The following CDKN2B-AS1 variants were observed in gnomAD, a reference collection of about 807,000 sequenced individuals.
CDKN2B-AS1 encodes CDKN2B and CDKN2A antisense cis and trans regulatory RNA 1.
chr9:22,080,008 G>C (rs1824641762), intron 4 of CDKN2B-AS1, among the ~76,000 whole-genome samples: 1 of 152,238 alleles, frequency 6.6e-6, no homozygotes, highest in Admixed American at 6.5e-5. Context: ...ATCAAAGGAG[G>C]CCAGACAGGA....
chr9:22,102,856 G>A (rs1825530724), intron 4 of CDKN2B-AS1, among the ~76,000 whole-genome samples: 1 of 152,142 alleles, frequency 6.6e-6, no homozygotes, highest in Admixed American at 6.6e-5. Flanking sequence ...CAGCAACTCT[G>A]CCCTGCTTTA....
intron 4 of CDKN2B-AS1, among the ~76,000 whole-genome samples, chr9:22,087,093 G>C (rs966425930): frequency 6.6e-6 from 1 of 152,206 alleles, no homozygotes; most frequent in Non-Finnish European, 1.5e-5. Context: ...ATCAGGAGTA[G>C]CCTAAGGCCA....
chr9:22,091,893 C>T (rs946487796), intron 4 of CDKN2B-AS1, among the ~76,000 whole-genome samples: 4 of 152,162 alleles, frequency 2.6e-5, no homozygotes, highest in African/African-American at 9.7e-5. Flanking sequence ...GCATCCCTGT[C>T]TTGTGCCAGT....
chr9:22,080,575 A>G (rs1824659171), intron 4 of CDKN2B-AS1, among the ~76,000 whole-genome samples: 1 of 152,226 alleles, frequency 6.6e-6, no homozygotes, highest in Admixed American at 6.5e-5. Context: ...CACAATGGGA[A>G]ATGTTTAACA....
At chr9:22,054,670 T>C (rs1256267652) in intron 3 of CDKN2B-AS1, among the ~76,000 whole-genome samples, 2 of 151,134 alleles carry the variant, frequency 1.3e-5, no homozygotes, top group African/African-American at 4.8e-5. Context: ...TCTTTCAGCT[T>C]TTTTTATTTT....
chr9:22,078,230 A>T (rs1032477406), intron 4 of CDKN2B-AS1, among the ~76,000 whole-genome samples: 6 of 152,156 alleles, frequency 3.9e-5, no homozygotes, highest in Non-Finnish European at 8.8e-5. Flanking sequence ...TCCTTCTATT[A>T]ATGCAGTTGC....
chr9:22,013,667 GGT>G (rs1381800876), intron 1 of CDKN2B-AS1, among the ~76,000 whole-genome samples: 1 of 152,138 alleles, frequency 6.6e-6, no homozygotes, highest in African/African-American at 2.4e-5. Flanking sequence ...GGCCCAGGCT[GGT>G]CCCGAACTCC....
intron 4 of CDKN2B-AS1, among the ~76,000 whole-genome samples, chr9:22,103,663 A>G (rs1478676910): frequency 2.0e-5 from 3 of 152,240 alleles, no homozygotes; most frequent in Non-Finnish European, 4.4e-5. Context: ...AAAAGCATAG[A>G]GCCTATAATA....
rs1259685323 is a variant in CDKN2B-AS1 at position 22,006,453 on chromosome 9, T to C, written n.29+11292T>C. ...CACCCCACCTTCAGGTTATACTCAG[T>C]ACAAATTAAATGCCATTTTATTCTC... On this transcript the variant is annotated intron_variant and non_coding_transcript_variant, in intron 1 of 4. Coordinates refer to ENST00000650946, the Ensembl canonical transcript of CDKN2B-AS1. The surrounding 1 kb of genome is among the most constrained non-coding windows in gnomAD (Gnocchi z 6.4). Among the ~76,000 whole-genome samples, 1 of 152,230 alleles carries C rather than the reference T, an allele frequency of 6.6e-6. No homozygotes were observed. The highest frequency in any genetic ancestry group is 1.5e-5 in the Non-Finnish European group (1 of 68,036).
intron 1 of CDKN2B-AS1, among the ~76,000 whole-genome samples, chr9:22,018,963 T>C (rs1821905721): frequency 6.6e-6 from 1 of 152,084 alleles, no homozygotes; most frequent in Non-Finnish European, 1.5e-5. Context: ...CAAGAGATAT[T>C]TGAGTTGAGG....
rs188213013 is a variant in CDKN2B-AS1 at position 22,067,806 on chromosome 9, A to T, written n.438+11419A>T. On this transcript the variant is annotated intron_variant and non_coding_transcript_variant, in intron 4 of 4. Coordinates refer to ENST00000650946, the Ensembl canonical transcript of CDKN2B-AS1. ...TAGCTTTATGTTCCAGTTCAGCAAAACACAAATTTGAAGGCAATCTGTACG... is the reference window on the plus strand; with the variant it reads ...TAGCTTTATGTTCCAGTTCAGCAAATCACAAATTTGAAGGCAATCTGTACG... 3.3e-5 allele frequency among the ~76,000 whole-genome samples: 5 copies of T among 152,302 alleles called. No individual in the cohort carries two copies. The East Asian group carries it at 9.6e-4, about 29-fold the overall frequency.
At chr9:22,053,749 T>C (rs573298642) in intron 3 of CDKN2B-AS1, among the ~76,000 whole-genome samples, 1 of 152,342 alleles carries the variant, frequency 6.6e-6, no homozygotes, top group South Asian at 2.1e-4. Flanking sequence ...CTATGGTGCA[T>C]ACAAAGAAGA....
intron 1 of CDKN2B-AS1, chr9:22,003,172 G>T (rs1335177042): frequency 4.6e-6 from 1 of 216,644 alleles, no homozygotes; most frequent in African/African-American, 2.2e-5. Context: ...TGTCTGCCAG[G>T]TGGCTTCGAA....
At chr9:22,055,550 T>A (rs1266749381) in intron 3 of CDKN2B-AS1, among the ~76,000 whole-genome samples, 1 of 152,190 alleles carries the variant, frequency 6.6e-6, no homozygotes, top group Non-Finnish European at 1.5e-5. Context: ...GGTAGGTTGG[T>A]TGTTTTTTGT....
intron 1 of CDKN2B-AS1, among the ~76,000 whole-genome samples, chr9:22,016,302 A>C (rs1372823333): frequency 6.6e-6 from 1 of 152,242 alleles, no homozygotes; most frequent in Non-Finnish European, 1.5e-5. Flanking sequence ...AAAAGAGGAT[A>C]CAAACAAATG....
chr9:22,059,341 G>A (rs374763017), intron 4 of CDKN2B-AS1, among the ~76,000 whole-genome samples: 13 of 152,184 alleles, frequency 8.5e-5, no homozygotes, highest in African/African-American at 1.2e-4. Context: ...GAAATTGGCC[G>A]AAGCAAAAGG....
chr9:22,023,794 C>T (rs1292345528), intron 1 of CDKN2B-AS1, among the ~76,000 whole-genome samples: 1 of 152,204 alleles, frequency 6.6e-6, no homozygotes, highest in African/African-American at 2.4e-5. Flanking sequence ...AAGTCAGTTA[C>T]ATTCTTCTGT....
chr9:21,999,051 T>G lies in CDKN2B-AS1; in HGVS notation n.29+3890T>G. Among the ~76,000 whole-genome samples the G allele has an allele frequency of 6.6e-6, 1 of 152,026 alleles. No individual in the cohort carries two copies. The highest frequency in any genetic ancestry group is 1.9e-4 in the East Asian group (1 of 5,196). On this transcript the variant is annotated intron_variant and non_coding_transcript_variant, in intron 1 of 4. Transcript: ENST00000650946. This position sits in a 1 kb window ranked among gnomAD's most constrained non-coding sequence, Gnocchi z 4.7. ...AAAAATAAAAAGATAATCTTACTCA[T>G]TAATAAATGTAAACAGAAACAATGG...
chr9:22,090,801 C>T (rs891118879), intron 4 of CDKN2B-AS1, among the ~76,000 whole-genome samples: 4 of 152,188 alleles, frequency 2.6e-5, no homozygotes, highest in South Asian at 2.1e-4. Context: ...ATGGTAGTTT[C>T]TTTTGCTGTG....
Sources: allele counts gnomAD v4.1 joint callset (sites outside exome capture counted in the v4.1 genomes callset), GRCh38; gene constraint gnomAD v4.1.1; non-coding constraint Gnocchi (gnomAD v3.1); transcripts MANE v1.5; gene names NCBI Gene and HGNC (gene_info 2026-07-23, HGNC 2026-07-21).